Variants in ABHD2 observed in about 807,000 individuals in gnomAD.
ABHD2 encodes monoacylglycerol lipase ABHD2.
A neutral mutation model predicts 48.1 loss-of-function variants in ABHD2; 20 were observed. The observed-to-expected ratio is 0.42, with a 90% CI of 0.29 to 0.60. ABHD2 has a LOEUF of 0.60. Ranked by LOEUF, ABHD2 falls within the 20% of genes least tolerant of loss-of-function variation. The pLI, the probability that ABHD2 is intolerant of heterozygous loss-of-function variation, is 0.24. For missense variants in ABHD2, 405 were observed against 550.9 expected (o/e 0.74, Z 2.65); for synonymous variants, 209 against 214.2 (o/e 0.98, Z 0.21).
Position 89,120,360 on chromosome 15 carries a change from T to TA in ABHD2, c.194+3840dup, listed in dbSNP as rs2050030102. ...AACAAGCAGACGCCCAGTTCGGAAT[T>TA]ATGACAAAAATCTAGATAGTCATAC... On this transcript the variant is annotated intron_variant, in intron 3 of 10. Coordinates refer to ENST00000352732, the MANE Select transcript of ABHD2 (RefSeq NM_152924.5). The surrounding 1 kb of genome is among the most constrained non-coding windows in gnomAD (Gnocchi z 4.2). Among the ~76,000 whole-genome samples, 1 of 152,240 alleles carries TA rather than the reference T, an allele frequency of 6.6e-6. No homozygotes were observed. The highest frequency in any genetic ancestry group is 1.5e-5 in the Non-Finnish European group (1 of 68,042).
chr15:89,183,320 A>T (rs1419370691), intron 6 of ABHD2: 1 of 134,720 alleles, frequency 7.4e-6, no homozygotes, highest in East Asian at 2.2e-4. Flanking sequence ...CCTTTCTTTT[A>T]CTGCCTTTCA....
chr15:89,088,223 G>T (rs1327159742), upstream of ABHD2: 2 of 152,354 alleles, frequency 1.3e-5, no homozygotes, highest in African/African-American at 4.8e-5. This position sits in a 1 kb window ranked among gnomAD's most constrained non-coding sequence, Gnocchi z 6.8. Flanking sequence ...GACTAAAGCC[G>T]TCAAATGTAA....
intron 3 of ABHD2, among the ~76,000 whole-genome samples, chr15:89,143,739 A>G (rs890331792): frequency 1.3e-5 from 2 of 152,140 alleles, no homozygotes; most frequent in East Asian, 1.9e-4. Flanking sequence ...AAATAGAGAT[A>G]GAGTAGAAGG....
At position 89,202,110 on chromosome 15, in the gene ABHD2, A is replaced by G. The variant is rs2051471873; in HGVS notation, c.*6687A>G. On this transcript the variant is annotated 3_prime_UTR_variant, in exon 11 of 11. Transcript: ENST00000352732. ...CTGGATCTTTGGGGGGAAATACAGG[A>G]TCCTTCAGCACTGAGGTGTTTAAGA... 4.1e-6 allele frequency: 1 copy of G among 246,758 alleles called. No homozygotes were observed. The highest frequency in any genetic ancestry group is 5.2e-5 in the Admixed American group (1 of 19,138). The allele number at this position is 246,758 out of a possible 1,614,324, so 15.3% of individuals were successfully genotyped here. A position where few individuals can be genotyped will look rare whatever the true frequency, so the allele number is the denominator to read the frequency against.
At position 89,199,417 on chromosome 15, in the gene ABHD2, A is replaced by G. The variant is rs1030578359; in HGVS notation, c.*3994A>G. 5.2e-5 allele frequency: 8 copies of G among 152,602 alleles called. No homozygotes were observed. The highest frequency in any genetic ancestry group is 1.9e-4 in the African/African-American group (8 of 41,436). The allele number at this position is 152,602 out of a possible 1,614,324, so 9.5% of individuals were successfully genotyped here. A position where few individuals can be genotyped will look rare whatever the true frequency, so the allele number is the denominator to read the frequency against. On this transcript the variant is annotated 3_prime_UTR_variant, in exon 11 of 11. Transcript: ENST00000352732. This position sits in a 1 kb window ranked among gnomAD's most constrained non-coding sequence, Gnocchi z 4.1. ...GCATTCTATCACAATATCATCTGGA[A>G]TTGTTTTCTTTGCCCAGAAAGCCTT...
At chr15:89,042,587 C>CTTTT in the ABHD2 span, among the ~76,000 whole-genome samples, 6 of 142,010 alleles carry the variant, frequency 4.2e-5, no homozygotes, top group African/African-American at 1.6e-4. Context: ...TTCTTTCTTT[C>CTTTT]TTATTTATTT....
rs1440148074 is a variant in ABHD2, at chr15:89,120,034, G to A, written c.194+3513G>A. 6.6e-6 allele frequency among the ~76,000 whole-genome samples: 1 copy of A among 152,170 alleles called. No homozygotes were observed. Among genetic ancestry groups the A allele is most frequent in the Non-Finnish European group, 1.5e-5 (1 of 68,046 alleles). ...CTGACCGCGGGTAGCTGGTTATGAT[G>A]ACATGCGCGGAATCAGGACGTGTCT... On this transcript the variant is annotated intron_variant, in intron 3 of 10. Transcript: ENST00000352732. The surrounding 1 kb of genome is among the most constrained non-coding windows in gnomAD (Gnocchi z 4.2).
intron 5 of ABHD2, among the ~76,000 whole-genome samples, chr15:89,162,038 C>A (rs1313838249): frequency 6.6e-6 from 1 of 152,130 alleles, no homozygotes; most frequent in African/African-American, 2.4e-5. Flanking sequence ...CTTAAAAGGA[C>A]ACCAGTCATC....
chr15:89,191,503 C>T (rs2051304554), intron 9 of ABHD2, among the ~76,000 whole-genome samples: 1 of 152,102 alleles, frequency 6.6e-6, no homozygotes, highest in Non-Finnish European at 1.5e-5. Flanking sequence ...CTCTTTTGGC[C>T]ATTCTGTATT....
At chr15:89,194,479 T>C (rs1362564567) in intron 10 of ABHD2, among the ~76,000 whole-genome samples, 1 of 152,150 alleles carries the variant, frequency 6.6e-6, no homozygotes, top group Admixed American at 6.5e-5. Context: ...AGCTCTAGGT[T>C]ATTATTTCTC....
At chr15:89,043,931 T>C in the ABHD2 span, among the ~76,000 whole-genome samples, 1 of 152,076 alleles carries the variant, frequency 6.6e-6, no homozygotes, top group East Asian at 1.9e-4. Context: ...ACTTTAAGTT[T>C]TAGGGTACAT....
At chr15:89,093,763 C>T (rs376600876) in intron 1 of ABHD2, 1 of 152,214 alleles carries the variant, frequency 6.6e-6, no homozygotes, top group South Asian at 2.1e-4. Context: ...TGAGCCTGAC[C>T]TGGCCTCGCT....
At position 89,155,651 on chromosome 15, in the gene ABHD2, G is replaced by A; in HGVS notation, c.538+117G>A. On this transcript the variant is annotated intron_variant, in intron 5 of 10. Coordinates refer to ENST00000352732, the MANE Select transcript of ABHD2 (RefSeq NM_152924.5). The surrounding 1 kb of genome is among the most constrained non-coding windows in gnomAD (Gnocchi z 4.9). ...CTATGCCCATCTGCAAGAGATGGTA[G>A]GTCACACGGTTATATCAACAGCCAA... 1 of 1,290,294 alleles carries A rather than the reference G, an allele frequency of 7.8e-7. No homozygotes were observed. Among genetic ancestry groups the A allele is most frequent in the Non-Finnish European group, 1.1e-6 (1 of 941,060 alleles). The allele number at this position is 1,290,294 out of a possible 1,614,324, so 79.9% of individuals were successfully genotyped here.
At position 89,119,471 on chromosome 15, in the gene ABHD2, A is replaced by G. The variant is rs887054794; in HGVS notation, c.194+2950A>G. 2.0e-5 allele frequency among the ~76,000 whole-genome samples: 3 copies of G among 152,264 alleles called. No homozygotes were observed. In the South Asian group the frequency reaches 6.2e-4, roughly 32 times the overall value. ...ACCACTCTCTTTTGTCCGCGTTACT[A>G]CTGCATTTGAAATTTGTTGAGTACC... On this transcript the variant is annotated intron_variant, in intron 3 of 10. Coordinates refer to ENST00000352732, the MANE Select transcript of ABHD2 (RefSeq NM_152924.5).
chr15:89,059,603 A>G, the ABHD2 span, among the ~76,000 whole-genome samples: 12 of 152,270 alleles, frequency 7.9e-5, no homozygotes, highest in South Asian at 8.3e-4. Flanking sequence ...TCTCATAGGG[A>G]TGGGCTTGAG....
chr15:89,158,911 A>G (rs2050717493), intron 5 of ABHD2, among the ~76,000 whole-genome samples: 1 of 151,668 alleles, frequency 6.6e-6, no homozygotes, highest in East Asian at 2.0e-4. Context: ...TGATCCACCC[A>G]CTTCGCCCTC....
chr15:89,201,386 CTGGGTTCCA>C lies in ABHD2; in HGVS notation c.*5966_*5974del. The C allele has an allele frequency of 8.7e-7, 1 of 1,150,962 alleles. No individual in the cohort carries two copies. The highest frequency in any genetic ancestry group is 1.3e-6 in the Non-Finnish European group (1 of 770,548). 71.3% of individuals were successfully genotyped at this position (1,150,962 alleles called of 1,614,324 possible). ...AGATGCATTCAGTGGGACAGCTTTG[CTGGGTTCCA>C]TGTCATTCAATTTATCATTTTCATT... On this transcript the variant is annotated 3_prime_UTR_variant, in exon 11 of 11. Transcript: ENST00000352732.
chr15:89,115,367 GGTATGTGTGT>G (rs1282355168), intron 2 of ABHD2, among the ~76,000 whole-genome samples: 39 of 117,590 alleles, frequency 3.3e-4, no homozygotes, highest in African/African-American at 9.6e-4. Flanking sequence ...TATGTTTGGA[GGTATGTGTGT>G]GTGTGTGTGT....
the ABHD2 span, among the ~76,000 whole-genome samples, chr15:89,081,579 A>G: frequency 6.1e-4 from 93 of 152,306 alleles, no homozygotes; most frequent in African/African-American, 2.1e-3. Context: ...TAAAAATGTA[A>G]TAGTTGGCCG....
Sources: allele counts gnomAD v4.1 joint callset (sites outside exome capture counted in the v4.1 genomes callset), GRCh38; gene constraint gnomAD v4.1.1; non-coding constraint Gnocchi (gnomAD v3.1); transcripts MANE v1.5; gene names NCBI Gene and HGNC (gene_info 2026-07-23, HGNC 2026-07-21).